The following KIF13A variants were observed in gnomAD, a reference collection of about 807,000 sequenced individuals.
KIF13A encodes kinesin-like protein KIF13A.
In KIF13A, 79 loss-of-function variants were observed where a neutral mutation model predicts 212.2. The observed-to-expected ratio is 0.37, with a 90% CI of 0.31 to 0.45. The LOEUF (loss-of-function observed/expected upper bound fraction) is 0.45. KIF13A is among the 20% of genes least tolerant of loss of function. The pLI is 1.00. For missense variants in KIF13A, 1,901 were observed against 2,209.0 expected (o/e 0.86, Z 2.79); for synonymous variants, 789 against 808.6 (o/e 0.98, Z 0.41).
intron 2 of KIF13A, among the ~76,000 whole-genome samples, chr6:17,986,209 C>T (rs1781537661): frequency 6.6e-6 from 1 of 152,250 alleles, no homozygotes; most frequent in Non-Finnish European, 1.5e-5. Flanking sequence ...CGTTTTTTCA[C>T]ATATATATAT....
At chr6:17,986,452 G>GC (rs1185894932) in intron 2 of KIF13A, among the ~76,000 whole-genome samples, 1 of 152,118 alleles carries the variant, frequency 6.6e-6, no homozygotes, top group Non-Finnish European at 1.5e-5. Context: ...ACAGTTCAGG[G>GC]CCCTACTTTT....
rs1767444657 is a variant in KIF13A at position 17,849,732 on chromosome 6, G to C, written c.718-243C>G. On this transcript the variant is annotated intron_variant, in intron 8 of 38. Transcript: ENST00000259711. This position sits in a 1 kb window ranked among gnomAD's most constrained non-coding sequence, Gnocchi z 5.7. ...GGTAGCAAGTACACCCAGCTTTCTG[G>C]AATACAGTCAGAAAGCTGGAGATTT... is the stretch of plus-strand genomic sequence containing the variant. Among the ~76,000 whole-genome samples the C allele has an allele frequency of 6.6e-6, 1 of 152,178 alleles. No homozygotes were observed. The highest frequency in any genetic ancestry group is 1.5e-5 in the Non-Finnish European group (1 of 68,030).
In KIF13A at chr6:17,773,586, A is replaced by G; in HGVS notation, c.4219-3T>C. The G allele has an allele frequency of 6.3e-7, 1 of 1,576,036 alleles. No homozygotes were observed. On this transcript the variant is annotated splice_polypyrimidine_tract_variant and splice_region_variant and intron_variant, in intron 35 of 38. Transcript: ENST00000259711. This position sits in a 1 kb window ranked among gnomAD's most constrained non-coding sequence, Gnocchi z 4.2. Reference sequence around the variant, plus strand: ...TCCAACTGGTTCTCTGGCCAACCCTACAAGGTAAAAATATGGGTTAACTGT... The same window carrying G: ...TCCAACTGGTTCTCTGGCCAACCCTGCAAGGTAAAAATATGGGTTAACTGT...
Position 17,763,980 on chromosome 6 carries a change from A to G in KIF13A, c.*130T>C, listed in dbSNP as rs80258593. On this transcript the variant is annotated 3_prime_UTR_variant, in exon 39 of 39. Coordinates refer to ENST00000259711, the MANE Select transcript of KIF13A (RefSeq NM_022113.6). The stretch of plus-strand genomic sequence containing the variant: ...CCAAAACAGACTTGCTCTCCGACAG[A>G]GACAGCTGTGCAGGAAGTGAGCCTG... The G allele has an allele frequency of 0.036, 52,568 of 1,450,452 alleles. 1,092 individuals carry two copies. Among genetic ancestry groups the G allele is most frequent in the Non-Finnish European group, 0.042 (46,548 of 1,101,582 alleles). 89.8% of individuals were successfully genotyped at this position (1,450,452 alleles called of 1,614,324 possible).
intron 23 of KIF13A, among the ~76,000 whole-genome samples, chr6:17,795,446 T>G (rs1761947281): frequency 6.7e-6 from 1 of 148,640 alleles, no homozygotes; most frequent in African/African-American, 2.5e-5. Context: ...AAAAAAAAAA[T>G]TATCCGGGCA....
Position 17,783,625 on chromosome 6 carries a change from T to A in KIF13A, c.3544+21A>T. 1 of 1,487,072 alleles carries A rather than the reference T, an allele frequency of 6.7e-7. No homozygotes were observed. The highest frequency in any genetic ancestry group is 2.3e-5 in the East Asian group (1 of 42,776). 92.1% of individuals were successfully genotyped at this position (1,487,072 alleles called of 1,614,324 possible). On this transcript the variant is annotated intron_variant, in intron 29 of 38. Coordinates refer to ENST00000259711, the MANE Select transcript of KIF13A (RefSeq NM_022113.6). The surrounding 1 kb of genome is among the most constrained non-coding windows in gnomAD (Gnocchi z 4.3). ...CCTTAGTTAAATACAATAATCCCTG[T>A]GACTTTAAGTGTCTACTTACCATTC...
intron 16 of KIF13A, 27 bp from the exon 17 acceptor site, chr6:17,817,260 T>C (rs1435452431): frequency 1.2e-6 from 2 of 1,602,860 alleles, no homozygotes; most frequent in Non-Finnish European, 1.7e-6. Context: ...CAAGGCAAGG[T>C]GTCTTAGTGG....
At chr6:17,920,939 C>A (rs1775021288) in intron 2 of KIF13A, among the ~76,000 whole-genome samples, 1 of 151,176 alleles carries the variant, frequency 6.6e-6, no homozygotes, top group South Asian at 2.1e-4. Flanking sequence ...AAGTGAACTG[C>A]AAATAAGTTT....
intron 2 of KIF13A, among the ~76,000 whole-genome samples, chr6:17,962,283 T>C (rs758121870): frequency 2.0e-5 from 3 of 150,904 alleles, no homozygotes; most frequent in Non-Finnish European, 3.0e-5. Flanking sequence ...TGCACTCCAG[T>C]CTAGATGACA....
intron 12 of KIF13A, among the ~76,000 whole-genome samples, chr6:17,833,497 CAAAAAAAA>C (rs59654452): frequency 2.0e-5 from 2 of 97,950 alleles, no homozygotes; most frequent in African/African-American, 8.4e-5. Flanking sequence ...ACCTTGTCTT[CAAAAAAAA>C]AAAAAAAAAA....
intron 2 of KIF13A, among the ~76,000 whole-genome samples, chr6:17,933,754 C>A (rs1207277870): frequency 2.0e-5 from 3 of 152,002 alleles, no homozygotes; most frequent in African/African-American, 7.3e-5. Flanking sequence ...AATGCAGAAG[C>A]AATAGTGTGT....
rs191714673 is a variant in KIF13A at position 17,934,869 on chromosome 6, C to A, written c.147-36689G>T. Among the ~76,000 whole-genome samples, 2 of 151,908 alleles carry A rather than the reference C, an allele frequency of 1.3e-5. No individual in the cohort carries two copies. The highest frequency in any genetic ancestry group is 4.8e-5 in the African/African-American group (2 of 41,360). On this transcript the variant is annotated intron_variant, in intron 2 of 38. Coordinates refer to ENST00000259711, the MANE Select transcript of KIF13A (RefSeq NM_022113.6). This position sits in a 1 kb window ranked among gnomAD's most constrained non-coding sequence, Gnocchi z 5.4. ...GGCCACCATCTAATGTAAAATGTGACTCAATTTTCACTAGTAATAACCAAA... is the reference window on the plus strand; with the variant it reads ...GGCCACCATCTAATGTAAAATGTGAATCAATTTTCACTAGTAATAACCAAA...
At position 17,821,552 on chromosome 6, in the gene KIF13A, GGTGTGTGTGTGTGTGTGT is replaced by G. The variant is rs111387037; in HGVS notation, c.1786+4198_1786+4215del. Among the ~76,000 whole-genome samples, 32 of 112,092 alleles carry G rather than the reference GGTGTGTGTGTGTGTGTGT, an allele frequency of 2.9e-4. No individual in the cohort carries two copies. The Middle Eastern group carries it at 0.018, about 61-fold the overall frequency. The allele number at this position is 112,092 out of a possible 152,430, so 73.5% of individuals were successfully genotyped here. ...TGGGAGGCAAATGGAATTGGGACATGGTGTGTGTGTGTGTGTGTGTGTGTGTGTGTGTGTGTTGGGGGT... is the reference window on the plus strand; with the variant it reads ...TGGGAGGCAAATGGAATTGGGACATGGTGTGTGTGTGTGTGTGTTGGGGGT... On this transcript the variant is annotated intron_variant, in intron 16 of 38. Coordinates refer to ENST00000259711, the MANE Select transcript of KIF13A (RefSeq NM_022113.6).
intron 2 of KIF13A, among the ~76,000 whole-genome samples, chr6:17,944,812 G>C (rs1434133934): frequency 6.6e-6 from 1 of 151,494 alleles, no homozygotes; most frequent in Non-Finnish European, 1.5e-5. Flanking sequence ...AACACCAATG[G>C]GGAAAAAAAA....
chr6:17,987,105 C>G lies in KIF13A; in HGVS notation c.95G>C (p.Gly32Ala), dbSNP rs745933017. 6.2e-7 allele frequency: 1 copy of G among 1,613,666 alleles called. No individual in the cohort carries two copies. Among genetic ancestry groups the G allele is most frequent in the East Asian group, 2.2e-5 (1 of 44,820 alleles). Residue 32 changes from glycine to alanine, a missense_variant, in exon 2 of 39, where the codon GGG (glycine) becomes GCG (alanine). Around this residue, in one of 5 missense-constraint regions of KIF13A, gnomAD observed 506 missense variants for 637.4 expected, o/e 0.79. Coordinates refer to ENST00000259711, the MANE Select transcript of KIF13A (RefSeq NM_022113.6). This position sits in a 1 kb window ranked among gnomAD's most constrained non-coding sequence, Gnocchi z 7.7. ...AGGAGGGTGCAGGACCGTTTGATTC[C>G]CTTCCATCTCCACCACGCACTTGGT... is the stretch of plus-strand genomic sequence containing the variant. ...LNTKCVVEME[G>A]NQTVLHPPPS...
At chr6:17,766,305 T>A (rs961284058) in intron 38 of KIF13A, among the ~76,000 whole-genome samples, 2 of 151,458 alleles carry the variant, frequency 1.3e-5, no homozygotes, top group Non-Finnish European at 2.9e-5. Flanking sequence ...AATGGTGTGA[T>A]CTCGGCTCAC....
At chr6:17,877,993 T>C (rs1770722353) in intron 3 of KIF13A, among the ~76,000 whole-genome samples, 5 of 152,220 alleles carry the variant, frequency 3.3e-5, no homozygotes, top group African/African-American at 9.6e-5. Context: ...GCTAGAATTA[T>C]AGCAGTCAAA....
At chr6:17,981,516 C>T (rs1781087588) in intron 2 of KIF13A, among the ~76,000 whole-genome samples, 1 of 151,340 alleles carries the variant, frequency 6.6e-6, no homozygotes, top group East Asian at 1.9e-4. Context: ...CCTACGCCTC[C>T]CGGGTTCAAG....
rs1775496152 is a variant in KIF13A, at chr6:17,926,296, A to G, written c.147-28116T>C. On this transcript the variant is annotated intron_variant, in intron 2 of 38. Coordinates refer to ENST00000259711, the MANE Select transcript of KIF13A (RefSeq NM_022113.6). This position sits in a 1 kb window ranked among gnomAD's most constrained non-coding sequence, Gnocchi z 4.3. Reference sequence around the variant, plus strand: ...ACCCAGACTGGAATGCAGTGGCACAATCTTGGCTCACTGCAACCTTCTGTC... The same window carrying G: ...ACCCAGACTGGAATGCAGTGGCACAGTCTTGGCTCACTGCAACCTTCTGTC... Among the ~76,000 whole-genome samples the G allele has an allele frequency of 1.3e-5, 2 of 152,158 alleles. No homozygotes were observed. Among genetic ancestry groups the G allele is most frequent in the South Asian group, 2.1e-4 (1 of 4,832 alleles).
Sources: gnomAD v4.1 joint callset for allele counts (sites outside exome capture counted in the v4.1 genomes callset) on GRCh38, gnomAD v4.1.1 for gene constraint, gnomAD v4.1.1 regional missense constraint, Gnocchi (gnomAD v3.1) non-coding constraint, MANE v1.5 for transcripts, NCBI Gene and HGNC (gene_info 2026-07-23, HGNC 2026-07-21) for gene names.